C11orf65: variants seen among roughly 807,000 people sequenced by gnomAD.
C11orf65 encodes the protein chromosome 11 open reading frame 65, also known as protein MFI.
A neutral mutation model predicts 35.3 loss-of-function variants in C11orf65; 38 were observed. The ratio of observed to expected loss-of-function variants is 1.08; its 90% CI spans 0.83 to 1.41. C11orf65 has a LOEUF of 1.41. Among genes scored for constraint, C11orf65 ranks in the 40% most tolerant of loss-of-function variants. The pLI, the probability that C11orf65 is intolerant of heterozygous loss-of-function variation, is 0.00. For synonymous variants in C11orf65, 105 were observed against 114.4 expected (o/e 0.92, Z 0.53); for missense variants, 370 against 367.1 (o/e 1.01, Z -0.06).
At chr11:108,398,527 C>G (rs2092369767) in intron 6 of C11orf65, among the ~76,000 whole-genome samples, 1 of 152,136 alleles carries the variant, frequency 6.6e-6, no homozygotes, top group Non-Finnish European at 1.5e-5. Flanking sequence ...ATACAGAGCT[C>G]AGTTATGGAT....
At chr11:108,317,813 G>T (rs917549876) in intron 6 of C11orf65, among the ~76,000 whole-genome samples, 3 of 151,320 alleles carry the variant, frequency 2.0e-5, no homozygotes, top group African/African-American at 7.3e-5. Flanking sequence ...ACCTAGGCTT[G>T]AATTTTACTC....
chr11:108,384,003 C>T (rs2091928473), intron 8 of C11orf65, among the ~76,000 whole-genome samples: 1 of 151,872 alleles, frequency 6.6e-6, no homozygotes. Flanking sequence ...GCAAGGACTA[C>T]AGGTGTATGC....
At chr11:108,359,036 G>A (rs2090385380) in intron 2 of C11orf65, among the ~76,000 whole-genome samples, 2 of 149,484 alleles carry the variant, frequency 1.3e-5, no homozygotes, top group South Asian at 4.3e-4. Context: ...TCAGTGTGCT[G>A]TATTCAGGAA....
chr11:108,415,714 C>T (rs766338768), intron 3 of C11orf65, among the ~76,000 whole-genome samples: 6 of 152,074 alleles, frequency 3.9e-5, no homozygotes, highest in Non-Finnish European at 8.8e-5. Context: ...CAAGACTTAC[C>T]ACGAAACTAC....
downstream of C11orf65, among the ~76,000 whole-genome samples, chr11:108,328,117 T>C (rs1453481943): frequency 6.6e-6 from 1 of 152,216 alleles, no homozygotes; most frequent in Non-Finnish European, 1.5e-5. Context: ...CACCCACAAG[T>C]AAAGGCTTCA....
At chr11:108,367,335 C>T (rs898764664) in intron 2 of C11orf65, 1 of 184,858 alleles carries the variant, frequency 5.4e-6, no homozygotes, top group African/African-American at 2.3e-5. Context: ...CTTGTAAGTT[C>T]TGCTATGTAT....
chr11:108,390,561 C>G (rs1018886524), intron 7 of C11orf65, among the ~76,000 whole-genome samples: 1 of 152,144 alleles, frequency 6.6e-6, no homozygotes, highest in Non-Finnish European at 1.5e-5. Context: ...AAAGGCAGAG[C>G]AGGATTTCAA....
Position 108,348,153 on chromosome 11 carries a change from G to T in C11orf65, c.227-12861C>A, listed in dbSNP as rs1485632491. On this transcript the variant is annotated intron_variant, in intron 2 of 3. Coordinates refer to the C11orf65 transcript ENST00000524755. Reference sequence around the variant, plus strand: ...ATTTAGTTTTGCTCATTATTTTGAAGTATTAATGGAATTTCTAGGTGGAAT... The same window carrying T: ...ATTTAGTTTTGCTCATTATTTTGAATTATTAATGGAATTTCTAGGTGGAAT... Among the ~76,000 whole-genome samples the T allele has an allele frequency of 4.6e-5, 7 of 152,044 alleles. No individual in the cohort carries two copies. In the South Asian group the frequency reaches 1.4e-3, roughly 31 times the overall value.
At chr11:108,350,722 C>G (rs750852534) in intron 2 of C11orf65, among the ~76,000 whole-genome samples, 58 of 152,072 alleles carry the variant, frequency 3.8e-4, no homozygotes, top group Middle Eastern at 3.2e-3. Flanking sequence ...GGGATCTCAA[C>G]AGAGGAGCCA....
At chr11:108,407,660 T>C (rs1174591193) in intron 3 of C11orf65, among the ~76,000 whole-genome samples, 1 of 151,606 alleles carries the variant, frequency 6.6e-6, no homozygotes, top group African/African-American at 2.4e-5. Context: ...AAATATTTTA[T>C]GAGGCCGGGC....
chr11:108,310,171 G>A lies in C11orf65; in HGVS notation c.641-1100C>T, dbSNP rs755055090. The stretch of plus-strand genomic sequence containing the variant: ...TCATTTTTCTTTAGACCTTCTTCAG[G>A]AACAATTTTTAATGATGCTTTCTGG... On this transcript the variant is annotated intron_variant, in intron 6 of 6. Coordinates refer to the C11orf65 transcript ENST00000525729. 6.2e-7 allele frequency: 1 copy of A among 1,613,228 alleles called. No individual in the cohort carries two copies. Among genetic ancestry groups the A allele is most frequent in the Non-Finnish European group, 8.5e-7 (1 of 1,179,624 alleles).
chr11:108,440,359 T>C (rs1159125643), intron 2 of C11orf65, among the ~76,000 whole-genome samples: 3 of 152,204 alleles, frequency 2.0e-5, no homozygotes, highest in Admixed American at 1.3e-4. Context: ...TAGGGAAGTC[T>C]TGTCTCATCT....
intron 2 of C11orf65, among the ~76,000 whole-genome samples, chr11:108,350,003 A>G (rs564624203): frequency 6.6e-6 from 1 of 152,280 alleles, no homozygotes; most frequent in African/African-American, 2.4e-5. Flanking sequence ...TTGCTGAGAA[A>G]TAGAAAGCAT....
Position 108,312,562 on chromosome 11 carries a change from T to C in C11orf65, c.641-3491A>G, listed in dbSNP as rs55657815. On this transcript the variant is annotated intron_variant, in intron 6 of 6. Transcript: ENST00000525729. The stretch of plus-strand genomic sequence containing the variant: ...TCTCATACTTTGGGTTATTTTGTTA[T>C]AGACACTGTACAGATGCCATGTGAT... The C allele has an allele frequency of 2.2e-5, 26 of 1,184,940 alleles. No homozygotes were observed. In the East Asian group the frequency reaches 5.9e-4, roughly 27 times the overall value. The allele number at this position is 1,184,940 out of a possible 1,614,324, so 73.4% of individuals were successfully genotyped here.
intron 3 of C11orf65, among the ~76,000 whole-genome samples, chr11:108,425,899 C>G (rs1216448661): frequency 6.6e-6 from 1 of 152,156 alleles, no homozygotes; most frequent in South Asian, 2.1e-4. Flanking sequence ...ACAAAAACCA[C>G]GTGATTATCT....
chr11:108,420,026 GAATT>G (rs1417211520), intron 3 of C11orf65, among the ~76,000 whole-genome samples: 8 of 152,166 alleles, frequency 5.3e-5, no homozygotes, highest in Non-Finnish European at 1.0e-4. Flanking sequence ...CACATTATTA[GAATT>G]AATAAATGAG....
chr11:108,336,958 TCTC>T (rs2086921979), intron 2 of C11orf65, among the ~76,000 whole-genome samples: 2 of 152,236 alleles, frequency 1.3e-5, no homozygotes, highest in Admixed American at 1.3e-4. Flanking sequence ...TTTTAAACTT[TCTC>T]CTTCTATAAA....
At chr11:108,346,885 T>G (rs578031469) in intron 2 of C11orf65, among the ~76,000 whole-genome samples, 1 of 152,100 alleles carries the variant, frequency 6.6e-6, no homozygotes, top group African/African-American at 2.4e-5. Context: ...CACTGAAGAG[T>G]GAAGAGTTTA....
At chr11:108,347,440 G>A in intron 2 of C11orf65, 2 of 1,209,352 alleles carry the variant, frequency 1.7e-6, no homozygotes, top group Non-Finnish European at 2.4e-6. Flanking sequence ...TGCCTACCAA[G>A]ATATTACAAA....
Sources: gnomAD v4.1 joint callset for allele counts (sites outside exome capture counted in the v4.1 genomes callset) on GRCh38, gnomAD v4.1.1 for gene constraint, MANE v1.5 for transcripts, NCBI Gene and HGNC (gene_info 2026-07-23, HGNC 2026-07-21) for gene names.